GBF1: variants seen among roughly 807,000 people sequenced by gnomAD.
GBF1 encodes the protein Golgi-specific brefeldin A-resistance guanine nucleotide exchange factor 1.
A neutral mutation model predicts 210.5 loss-of-function variants in GBF1; 114 were observed. The ratio of observed to expected loss-of-function variants is 0.54; its 90% CI spans 0.47 to 0.63. The LOEUF (loss-of-function observed/expected upper bound fraction) is 0.63. GBF1 is among the 30% of genes least tolerant of loss of function. The pLI is 0.00. For missense variants in GBF1, 1,851 were observed against 2,357.7 expected (o/e 0.79, Z 4.45); for synonymous variants, 850 against 889.2 (o/e 0.96, Z 0.78).
At chr10:102,325,534 G>A (rs533791378) in intron 3 of GBF1, among the ~76,000 whole-genome samples, 1 of 132,236 alleles carries the variant, frequency 7.6e-6, no homozygotes, top group African/African-American at 2.8e-5. Context: ...CTGAGCGACA[G>A]AGCAAGACTC....
intron 1 of GBF1, among the ~76,000 whole-genome samples, chr10:102,253,446 A>G (rs1393377586): frequency 6.6e-6 from 1 of 152,214 alleles, no homozygotes; most frequent in Non-Finnish European, 1.5e-5. Flanking sequence ...GATAATGCCA[A>G]ATTGTTATTC....
chr10:102,357,412 A>G (rs1160406181), intron 8 of GBF1, among the ~76,000 whole-genome samples: 3 of 151,718 alleles, frequency 2.0e-5, no homozygotes, highest in Non-Finnish European at 4.4e-5. Flanking sequence ...ACTTGAACCC[A>G]GGAGGCAGAG....
chr10:102,349,525 G>A (rs537252910), intron 4 of GBF1, among the ~76,000 whole-genome samples: 5 of 152,288 alleles, frequency 3.3e-5, no homozygotes, highest in African/African-American at 1.2e-4. Flanking sequence ...GACAGAGTGA[G>A]ACTCTGTCTC....
chr10:102,274,699 A>ATTTTTTTTTTT (rs1174743189), intron 3 of GBF1, among the ~76,000 whole-genome samples: 2 of 71,700 alleles, frequency 2.8e-5, no homozygotes, highest in East Asian at 4.9e-4. Context: ...CAAAACAAAG[A>ATTTTTTTTTTT]TTTTTTTTTT....
chr10:102,269,014 C>T (rs2074146174), intron 3 of GBF1, among the ~76,000 whole-genome samples: 1 of 152,236 alleles, frequency 6.6e-6, no homozygotes, highest in Admixed American at 6.5e-5. Context: ...ATTTGCACCT[C>T]ACCAGTTTAG....
intron 3 of GBF1, among the ~76,000 whole-genome samples, chr10:102,296,584 A>C (rs996819189): frequency 2.0e-5 from 3 of 152,152 alleles, no homozygotes; most frequent in Admixed American, 2.0e-4. Context: ...CTCTACTAAA[A>C]AGACAAAATT....
chr10:102,297,933 T>G (rs1565076725), intron 3 of GBF1, among the ~76,000 whole-genome samples: 2 of 152,030 alleles, frequency 1.3e-5, no homozygotes, highest in African/African-American at 2.4e-5. Flanking sequence ...TTGTTTTTGG[T>G]TTTTGGTTTT....
At chr10:102,257,208 G>A (rs888989450) in intron 1 of GBF1, among the ~76,000 whole-genome samples, 2 of 152,174 alleles carry the variant, frequency 1.3e-5, no homozygotes, top group Non-Finnish European at 2.9e-5. Context: ...CTTGCTGTCA[G>A]TTAATATGAG....
chr10:102,347,102 G>A (rs1324136671), intron 4 of GBF1, among the ~76,000 whole-genome samples: 1 of 152,190 alleles, frequency 6.6e-6, no homozygotes, highest in Non-Finnish European at 1.5e-5. Flanking sequence ...GGCAGCCCAT[G>A]TACAAGGATG....
At chr10:102,304,791 A>G (rs10786663) in intron 3 of GBF1, among the ~76,000 whole-genome samples, 45,760 of 151,502 alleles carry the variant, frequency 0.3, 7,722 homozygotes, top group African/African-American at 0.45. Flanking sequence ...AAAGAAAGAA[A>G]GAAAGAAAGA....
At chr10:102,320,915 C>A (rs904263846) in intron 3 of GBF1, among the ~76,000 whole-genome samples, 3 of 151,924 alleles carry the variant, frequency 2.0e-5, no homozygotes, top group Non-Finnish European at 4.4e-5. Context: ...CAAGCGTCAG[C>A]CTCCCGAGTA....
intron 4 of GBF1, among the ~76,000 whole-genome samples, chr10:102,348,416 A>C (rs780447627): frequency 6.6e-6 from 1 of 152,194 alleles, no homozygotes; most frequent in Non-Finnish European, 1.5e-5. Context: ...TTAACAAGAG[A>C]GATTACTGAA....
rs908648088 is a variant in GBF1, at chr10:102,255,946, C to CATT, written c.-10-2970_-10-2968dup. Among the ~76,000 whole-genome samples the CATT allele has an allele frequency of 1.6e-4, 24 of 152,054 alleles. 1 individual carries two copies. The highest frequency in any genetic ancestry group is 1.4e-3 in the Admixed American group (22 of 15,256). Reference sequence around the variant, plus strand: ...TGGGGAGCTGTCATGGGCATGGACACATTATTATTATTATTTTAAGACAGA... The same window carrying CATT: ...TGGGGAGCTGTCATGGGCATGGACACATTATTATTATTATTATTTTAAGACAGA... On this transcript the variant is annotated intron_variant, in intron 1 of 39. Coordinates refer to ENST00000369983, the MANE Select transcript of GBF1 (RefSeq NM_001377137.1).
the GBF1 span, among the ~76,000 whole-genome samples, chr10:102,235,048 A>G: frequency 6.6e-6 from 1 of 151,896 alleles, no homozygotes; most frequent in Non-Finnish European, 1.5e-5. Context: ...ACACAAACAC[A>G]CACTCTCCCA....
At chr10:102,251,962 G>A (rs2071592396) in intron 1 of GBF1, among the ~76,000 whole-genome samples, 1 of 152,142 alleles carries the variant, frequency 6.6e-6, no homozygotes, top group Non-Finnish European at 1.5e-5. Flanking sequence ...ATCACTTGAG[G>A]TCAGGAGTTT....
chr10:102,286,005 A>G (rs1021438785), intron 3 of GBF1, among the ~76,000 whole-genome samples: 4 of 152,110 alleles, frequency 2.6e-5, no homozygotes, highest in Non-Finnish European at 5.9e-5. Context: ...TTTCAAAGTA[A>G]ACAAAATTGT....
chr10:102,338,240 T>C (rs111672646), intron 3 of GBF1, among the ~76,000 whole-genome samples: 11 of 140,858 alleles, frequency 7.8e-5, no homozygotes, highest in South Asian at 4.5e-4. Context: ...CCTTCTTCTT[T>C]TTTTTTTTTT....
chr10:102,231,133 C>A, the GBF1 span: 1 of 1,489,240 alleles, frequency 6.7e-7, no homozygotes, highest in Non-Finnish European at 8.9e-7. Flanking sequence ...GGTCAGGGCC[C>A]GGGGCCGGGT....
At chr10:102,289,343 T>C (rs1367755948) in intron 3 of GBF1, among the ~76,000 whole-genome samples, 2 of 152,192 alleles carry the variant, frequency 1.3e-5, no homozygotes, top group Non-Finnish European at 2.9e-5. Flanking sequence ...AATATACTTA[T>C]TCAGCTCTTG....
Sources: allele counts gnomAD v4.1 joint callset (sites outside exome capture counted in the v4.1 genomes callset), GRCh38; gene constraint gnomAD v4.1.1; transcripts MANE v1.5; gene names NCBI Gene and HGNC (gene_info 2026-07-23, HGNC 2026-07-21).